HEATR3: variants seen among roughly 807,000 people sequenced by gnomAD.
HEATR3 encodes the protein HEAT repeat-containing protein 3.
Under a neutral mutation model 72.8 loss-of-function variants are expected in HEATR3, and 56 were observed. That is an observed-to-expected ratio of 0.77 (90% confidence interval 0.62 to 0.96). The LOEUF (loss-of-function observed/expected upper bound fraction) is 0.96, where lower values mean the gene tolerates loss of function less well. Among genes scored for constraint, HEATR3 ranks in the 40% least tolerant of loss-of-function variants. The probability of loss-of-function intolerance (pLI) is 0.00; values close to 1 mark genes in which losing one functional copy is unlikely to be tolerated. For synonymous variants in HEATR3, 331 were observed against 318.1 expected (o/e 1.04, Z -0.43); for missense variants, 747 against 831.4 (o/e 0.90, Z 1.25).
intron 7 of HEATR3, among the ~76,000 whole-genome samples, chr16:50,082,257 C>A (rs745849382): frequency 2.6e-5 from 4 of 151,978 alleles, no homozygotes; most frequent in Non-Finnish European, 4.4e-5. Flanking sequence ...ACATGAGAAT[C>A]GCTTGAACCC....
intron 5 of HEATR3, chr16:50,072,955 G>A (rs1311607496): frequency 1.7e-5 from 7 of 414,302 alleles, no homozygotes; most frequent in Non-Finnish European, 2.6e-5. Flanking sequence ...GAGGATATGT[G>A]GTTTCTAGCC....
intron 5 of HEATR3, 32 bp from the exon 6 acceptor site, chr16:50,075,539 T>C (rs1597143708): frequency 1.3e-6 from 2 of 1,585,814 alleles, no homozygotes; most frequent in Non-Finnish European, 1.7e-6. Context: ...CAGAATTCAT[T>C]TGTTTCTAAA....
At chr16:50,101,106 C>CTTTTTTTTTT (rs5816674) in intron 13 of HEATR3, among the ~76,000 whole-genome samples, 3 of 144,340 alleles carry the variant, frequency 2.1e-5, no homozygotes, top group Non-Finnish European at 3.0e-5. Flanking sequence ...ACTTGCAAAG[C>CTTTTTTTTTT]TTTTTTTTTT....
chr16:50,084,252 A>G lies in HEATR3; in HGVS notation c.1251A>G (p.Glu417=), dbSNP rs2150610049. The change falls in exon 9 of 15, where the codon GAA becomes GAG. Residue 417 remains glutamate (E), a synonymous_variant. Coordinates refer to ENST00000299192, the MANE Select transcript of HEATR3 (RefSeq NM_182922.4). ...TTTCTCCCCTCTGCCTCTCCCATGA[A>G]GTTCACACGGCTCTCACCAACTACC... ...QLFSPLCLSH[E]VHTALTNYLI... is the part of the protein sequence containing the mutation. 1.2e-6 allele frequency: 2 copies of G among 1,614,118 alleles called. No homozygotes were observed. Among genetic ancestry groups the G allele is most frequent in the Non-Finnish European group, 1.7e-6 (2 of 1,180,028 alleles).
intron 2 of HEATR3, among the ~76,000 whole-genome samples, chr16:50,068,195 C>T (rs1311653246): frequency 6.6e-6 from 1 of 152,212 alleles, no homozygotes; most frequent in East Asian, 1.9e-4. Flanking sequence ...GGGACTAGCA[C>T]AGTGCTGTGT....
At chr16:50,085,665 A>G (rs1337560702) in intron 10 of HEATR3, among the ~76,000 whole-genome samples, 3 of 152,044 alleles carry the variant, frequency 2.0e-5, no homozygotes, top group Non-Finnish European at 2.9e-5. Flanking sequence ...ATGCTACCCT[A>G]CATAGAAATT....
intron 5 of HEATR3, chr16:50,073,548 T>G (rs1202532494): frequency 6.6e-6 from 1 of 152,166 alleles, no homozygotes; most frequent in East Asian, 1.9e-4. Context: ...GAGAAAATTT[T>G]AAAAATCATT....
chr16:50,100,709 A>G (rs955683873), intron 13 of HEATR3: 24 of 281,652 alleles, frequency 8.5e-5, no homozygotes, highest in Non-Finnish European at 1.5e-4. Flanking sequence ...TGCATGTTAC[A>G]TTCTCCTGCT....
At position 50,079,023 on chromosome 16, in the gene HEATR3, G is replaced by A; in HGVS notation, c.1041+5G>A. 1 of 1,608,222 alleles carries A rather than the reference G, an allele frequency of 6.2e-7. No homozygotes were observed. Among genetic ancestry groups the A allele is most frequent in the Non-Finnish European group, 8.5e-7 (1 of 1,177,676 alleles). ...TTCGTTTCAGATTTACTTCCGGTAA[G>A]TCAGGTTGCTGTTCTCAAATATGGA... On this transcript the variant is annotated splice_donor_5th_base_variant and intron_variant, in intron 7 of 14. Coordinates refer to ENST00000299192, the MANE Select transcript of HEATR3 (RefSeq NM_182922.4).
At position 50,072,591 on chromosome 16, in the gene HEATR3, C is replaced by T. The variant is rs770272958; in HGVS notation, c.513-14C>T. 8 of 1,517,358 alleles carry T rather than the reference C, an allele frequency of 5.3e-6. No homozygotes were observed. In the Admixed American group the frequency reaches 5.4e-5, roughly 10 times the overall value. 94.0% of individuals were successfully genotyped at this position (1,517,358 alleles called of 1,614,324 possible). A position where few individuals can be genotyped will look rare whatever the true frequency, so the allele number is the denominator to read the frequency against. ...ATGTGAATAGTAAAACTTTTTTTTC[C>T]CCCTTCAATTTAGTGAATGCAGTAG... On this transcript the variant is annotated splice_polypyrimidine_tract_variant and intron_variant, in intron 4 of 14. Transcript: ENST00000299192.
At chr16:50,102,208 T>C (rs1244949440) in intron 13 of HEATR3, 51 bp from the exon 14 acceptor site, 1 of 1,497,172 alleles carries the variant, frequency 6.7e-7, no homozygotes, top group Admixed American at 2.1e-5. Flanking sequence ...AAGTTGGTAC[T>C]TGTTTTGGAG....
chr16:50,088,937 C>T (rs541896162), intron 11 of HEATR3, among the ~76,000 whole-genome samples: 1 of 152,138 alleles, frequency 6.6e-6, no homozygotes, highest in Non-Finnish European at 1.5e-5. Context: ...GTCCAGGTAC[C>T]CCCGGTCCCA....
intron 11 of HEATR3, among the ~76,000 whole-genome samples, chr16:50,087,645 G>A (rs2037016820): frequency 6.6e-6 from 1 of 152,212 alleles, no homozygotes; most frequent in Admixed American, 6.5e-5. Context: ...AGCCTGGGAG[G>A]TGGGAATCTG....
At chr16:50,066,336 G>T (rs778378314) in intron 1 of HEATR3, 31 bp from the exon 2 acceptor site, 3 of 1,558,150 alleles carry the variant, frequency 1.9e-6, no homozygotes, top group Non-Finnish European at 2.6e-6. Context: ...CGCATTGCGC[G>T]CCTTCTGACC....
Position 50,086,239 on chromosome 16 carries a change from C to CCTCTTCTGT in HEATR3, c.1402_1410dup (p.Phe468_Leu470dup). On this transcript the variant is annotated inframe_insertion, in exon 11 of 15. Coordinates refer to ENST00000299192, the MANE Select transcript of HEATR3 (RefSeq NM_182922.4). The stretch of plus-strand genomic sequence containing the variant: ...GAATGAACACTATTCAGTGCAGAGC[C>CCTCTTCTGT]CTCTTCTGTCTCCAGAGTCTTGTGT... 1 of 1,579,214 alleles carries CCTCTTCTGT rather than the reference C, an allele frequency of 6.3e-7. No individual in the cohort carries two copies. Among genetic ancestry groups the CCTCTTCTGT allele is most frequent in the Non-Finnish European group, 8.6e-7 (1 of 1,160,936 alleles).
intron 10 of HEATR3, among the ~76,000 whole-genome samples, chr16:50,084,914 G>T (rs1213200259): frequency 2.6e-5 from 4 of 152,070 alleles, no homozygotes; most frequent in African/African-American, 9.7e-5. Context: ...ACAAAATCAC[G>T]CAGTACAATA....
chr16:50,101,800 G>A (rs1257088267), intron 13 of HEATR3, among the ~76,000 whole-genome samples: 1 of 152,126 alleles, frequency 6.6e-6, no homozygotes, highest in East Asian at 1.9e-4. Context: ...GGCTGGTCTT[G>A]AACTCCTGGG....
chr16:50,097,342 A>G (rs914006051), intron 12 of HEATR3, among the ~76,000 whole-genome samples: 9 of 40,574 alleles, frequency 2.2e-4, no homozygotes, highest in African/African-American at 1.1e-3. Context: ...TTTATTAGCT[A>G]TGATTTTTTT....
intron 12 of HEATR3, among the ~76,000 whole-genome samples, chr16:50,096,643 AC>A (rs1435399011): frequency 6.6e-6 from 1 of 152,066 alleles, no homozygotes; most frequent in Non-Finnish European, 1.5e-5. Flanking sequence ...TACAAAAAAT[AC>A]AAAAATCAGC....
Sources: gnomAD v4.1 joint callset for allele counts (sites outside exome capture counted in the v4.1 genomes callset) on GRCh38, gnomAD v4.1.1 for gene constraint, MANE v1.5 for transcripts, NCBI Gene and HGNC (gene_info 2026-07-23, HGNC 2026-07-21) for gene names.